ABLIM1: variants seen among roughly 807,000 people sequenced by gnomAD.
The protein encoded by ABLIM1 is actin binding LIM protein 1.
Under a neutral mutation model 107.0 loss-of-function variants are expected in ABLIM1, and 40 were observed. The observed-to-expected ratio is 0.37, with a 90% CI of 0.29 to 0.49. The LOEUF is 0.49. Among genes scored for constraint, ABLIM1 ranks in the 20% least tolerant of loss-of-function variants. The pLI is 0.97. For missense variants in ABLIM1, 857 were observed against 1,008.5 expected, an observed-to-expected ratio of 0.85 and a Z score of 2.04; for synonymous variants, 357 against 357.3, an observed-to-expected ratio of 1.00 and a Z score of 0.01.
upstream of ABLIM1, among the ~76,000 whole-genome samples, chr10:114,769,398 A>AAAAG (rs1240427047): frequency 1.2e-4 from 16 of 135,458 alleles, no homozygotes; most frequent in Admixed American, 4.7e-4. Context: ...AGAAAGAAAG[A>AAAAG]AAAGAAAGAA....
intron 1 of ABLIM1, among the ~76,000 whole-genome samples, chr10:114,653,075 T>C (rs2079327574): frequency 6.6e-6 from 1 of 152,204 alleles, no homozygotes; most frequent in African/African-American, 2.4e-5. Flanking sequence ...GACATCATGG[T>C]TGAGACCACG....
chr10:114,547,761 C>T lies in ABLIM1; in HGVS notation c.689G>A (p.Gly230Glu). The T allele has an allele frequency of 6.2e-7, 1 of 1,610,052 alleles. No homozygotes were observed. The highest frequency in any genetic ancestry group is 8.5e-7 in the Non-Finnish European group (1 of 1,180,010). The change falls in exon 5 of 23, where the codon GGA (glycine) becomes GAA (glutamate). Residue 230 changes from glycine to glutamate, a missense_variant. Coordinates refer to ENST00000533213, the MANE Select transcript of ABLIM1 (RefSeq NM_002313.7). Reference protein sequence around the residue: ...TTFSSNCAGCGRDIKNGQALL... With the variant: ...TTFSSNCAGCERDIKNGQALL... ...CGCCTGCCCATTCTTGATATCTCTT[C>T]CGCAGCCGGCACAATCTGAAAAAGA...
At chr10:114,523,718 T>G (rs749813015) in intron 6 of ABLIM1, among the ~76,000 whole-genome samples, 4 of 152,170 alleles carry the variant, frequency 2.6e-5, no homozygotes, top group Non-Finnish European at 4.4e-5. Flanking sequence ...TACAGAAATA[T>G]GGACACAGGC....
intron 1 of ABLIM1, chr10:114,690,670 C>T (rs2141703450): frequency 1.8e-6 from 1 of 548,588 alleles, no homozygotes; most frequent in Non-Finnish European, 3.2e-6. Flanking sequence ...CTGGTGGCGG[C>T]AGCGTCTGCA....
At chr10:114,651,852 T>C (rs1204066526) in intron 1 of ABLIM1, among the ~76,000 whole-genome samples, 3 of 152,126 alleles carry the variant, frequency 2.0e-5, no homozygotes, top group African/African-American at 4.8e-5. Flanking sequence ...GGGAACCATA[T>C]CCCATCAACA....
At chr10:114,536,399 C>T (rs2066031759) in intron 6 of ABLIM1, among the ~76,000 whole-genome samples, 1 of 151,794 alleles carries the variant, frequency 6.6e-6, no homozygotes, top group South Asian at 2.1e-4. Context: ...AGGTAACTGC[C>T]ACCACGCCCA....
intron 1 of ABLIM1, among the ~76,000 whole-genome samples, chr10:114,627,586 T>C (rs2077896752): frequency 6.6e-6 from 1 of 152,094 alleles, no homozygotes; most frequent in Non-Finnish European, 1.5e-5. Context: ...AAATGGGGCT[T>C]ACAGAATCCT....
the ABLIM1 span, among the ~76,000 whole-genome samples, chr10:114,784,336 ACT>A: frequency 6.9e-6 from 1 of 145,020 alleles, no homozygotes; most frequent in Non-Finnish European, 1.5e-5. Flanking sequence ...ACAGAGCAAG[ACT>A]CTGTCTCAAA....
chr10:114,564,727 A>G (rs2070405666), intron 4 of ABLIM1, among the ~76,000 whole-genome samples: 1 of 152,212 alleles, frequency 6.6e-6, no homozygotes, highest in Non-Finnish European at 1.5e-5. Flanking sequence ...GCCCAACCCT[A>G]CATGACTAGG....
chr10:114,453,547 C>G, intron 12 of ABLIM1, 64 bp from the exon 13 acceptor site: 1 of 1,348,976 alleles, frequency 7.4e-7, no homozygotes, highest in South Asian at 1.6e-5. Context: ...GAAAACAAAG[C>G]AAGTGTAATA....
intron 1 of ABLIM1, among the ~76,000 whole-genome samples, chr10:114,758,808 A>G (rs1367628401): frequency 6.6e-6 from 1 of 152,206 alleles, no homozygotes; most frequent in Admixed American, 6.5e-5. Context: ...TATTTTCTTT[A>G]GGAAAAACTA....
chr10:114,581,848 A>G (rs2073420884), intron 2 of ABLIM1, among the ~76,000 whole-genome samples: 1 of 152,118 alleles, frequency 6.6e-6, no homozygotes, highest in Non-Finnish European at 1.5e-5. Flanking sequence ...ATTTACCCTT[A>G]GGCCAAAATC....
At chr10:114,491,187 T>G (rs1273052867) in intron 7 of ABLIM1, among the ~76,000 whole-genome samples, 1 of 151,712 alleles carries the variant, frequency 6.6e-6, no homozygotes, top group Non-Finnish European at 1.5e-5. Context: ...CACCAGAAAT[T>G]TCTCTTTCAG....
intron 6 of ABLIM1, among the ~76,000 whole-genome samples, chr10:114,513,507 C>A (rs1458001023): frequency 6.6e-6 from 1 of 152,138 alleles, no homozygotes; most frequent in East Asian, 1.9e-4. Context: ...TCAATTTATC[C>A]TGAGCAGGTT....
At chr10:114,610,735 A>C (rs2076749096) in intron 1 of ABLIM1, 1 of 152,202 alleles carries the variant, frequency 6.6e-6, no homozygotes, top group Non-Finnish European at 1.5e-5. Flanking sequence ...ACTGGCTTCC[A>C]CGACCTCATT....
intron 1 of ABLIM1, among the ~76,000 whole-genome samples, chr10:114,617,933 G>C (rs1216668576): frequency 6.6e-6 from 1 of 152,102 alleles, no homozygotes; most frequent in Non-Finnish European, 1.5e-5. Context: ...GGGCGACATA[G>C]CAAGACCCTG....
rs779464228 is a variant in ABLIM1 at position 114,464,641 on chromosome 10, T to C, written c.1441+1057A>G. On this transcript the variant is annotated intron_variant, in intron 12 of 22. Coordinates refer to ENST00000533213, the MANE Select transcript of ABLIM1 (RefSeq NM_002313.7). Reference sequence around the variant, plus strand: ...TGTAATTCAATAAATAGCACAAACATTTATCAGTGTAGAGAAAATTATACA... The same window carrying C: ...TGTAATTCAATAAATAGCACAAACACTTATCAGTGTAGAGAAAATTATACA... Among the ~76,000 whole-genome samples, 22 of 152,302 alleles carry C rather than the reference T, an allele frequency of 1.4e-4. 1 individual carries two copies. In the East Asian group the frequency reaches 2.1e-3, roughly 15 times the overall value.
At chr10:114,609,920 G>A (rs142741921) in intron 1 of ABLIM1, among the ~76,000 whole-genome samples, 8 of 152,320 alleles carry the variant, frequency 5.3e-5, no homozygotes, top group African/African-American at 1.9e-4. Context: ...CCAAGGCTAA[G>A]AAGAGTTAAA....
chr10:114,631,396 T>C (rs1446878142), intron 1 of ABLIM1, among the ~76,000 whole-genome samples: 2 of 152,104 alleles, frequency 1.3e-5, no homozygotes, highest in Non-Finnish European at 2.9e-5. Flanking sequence ...AATAGTGAAA[T>C]GACAGGTTAT....
Sources: allele counts gnomAD v4.1 joint callset (sites outside exome capture counted in the v4.1 genomes callset), GRCh38; gene constraint gnomAD v4.1.1; transcripts MANE v1.5; gene names NCBI Gene and HGNC (gene_info 2026-07-23, HGNC 2026-07-21).